Variants in CDH18 observed in about 807,000 individuals in gnomAD.
CDH18 encodes cadherin-18.
CDH18 carries 31 observed loss-of-function variants against 67.9 expected under a neutral mutation model. That is an observed-to-expected ratio of 0.46 (90% CI 0.34 to 0.62). The LOEUF is 0.62. Ranked by LOEUF, CDH18 falls within the 20% of genes least tolerant of loss-of-function variation. The probability of loss-of-function intolerance (pLI) is 0.01; values close to 1 mark genes in which losing one functional copy is unlikely to be tolerated. For synonymous variants in CDH18, 362 were observed against 347.2 expected, an observed-to-expected ratio of 1.04 and a Z score of -0.48; for missense variants, 890 against 975.5, an observed-to-expected ratio of 0.91 and a Z score of 1.17.
intron 1 of CDH18, among the ~76,000 whole-genome samples, chr5:20,502,561 G>A (rs916504798): frequency 1.5e-4 from 23 of 152,150 alleles, no homozygotes; most frequent in Non-Finnish European, 2.9e-4. Flanking sequence ...TGTAATAGAT[G>A]CTGTTTTTAT....
intron 10 of CDH18, among the ~76,000 whole-genome samples, chr5:19,507,281 A>G (rs1744354782): frequency 6.6e-6 from 1 of 152,178 alleles, no homozygotes; most frequent in South Asian, 2.1e-4. Flanking sequence ...ATGTGGAGAA[A>G]TAGGAACACT....
chr5:19,935,353 T>A (rs1367830796), intron 2 of CDH18, among the ~76,000 whole-genome samples: 1 of 151,364 alleles, frequency 6.6e-6, no homozygotes, highest in Non-Finnish European at 1.5e-5. Context: ...TGCCCTATAT[T>A]GAGGTTTCGG....
Position 20,234,870 on chromosome 5 carries a change from G to A in CDH18, c.-518+20574C>T, listed in dbSNP as rs181923320. ...CAAATTTGATGAAAATTATGAAACCGCAGATGATGAATCTTAACATATCCC... is the reference window on the plus strand; with the variant it reads ...CAAATTTGATGAAAATTATGAAACCACAGATGATGAATCTTAACATATCCC... On this transcript the variant is annotated intron_variant, in intron 2 of 14. Coordinates refer to the CDH18 transcript ENST00000507958. 3.3e-3 allele frequency among the ~76,000 whole-genome samples: 503 copies of A among 152,206 alleles called. 6 individuals are homozygous for A. Among genetic ancestry groups the A allele is most frequent in the Middle Eastern group, 3.4e-3 (1 of 294 alleles).
At chr5:20,247,518 GCA>G (rs992347138) in intron 2 of CDH18, among the ~76,000 whole-genome samples, 2 of 152,114 alleles carry the variant, frequency 1.3e-5, no homozygotes, top group Admixed American at 1.3e-4. Flanking sequence ...TGGAATCCCA[GCA>G]CTTTGGAGGG....
chr5:20,094,664 GA>G (rs1345668745), intron 2 of CDH18, among the ~76,000 whole-genome samples: 2 of 152,032 alleles, frequency 1.3e-5, no homozygotes, highest in Non-Finnish European at 2.9e-5. Context: ...AGCTCTCTTT[GA>G]AGAGGTCCTT....
intron 2 of CDH18, among the ~76,000 whole-genome samples, chr5:19,845,064 G>A (rs938117961): frequency 6.6e-6 from 1 of 152,026 alleles, no homozygotes; most frequent in African/African-American, 2.4e-5. Flanking sequence ...TTACCAAGAT[G>A]TTAATGAATA....
At chr5:19,931,093 C>G (rs1193001383) in intron 2 of CDH18, among the ~76,000 whole-genome samples, 2 of 151,924 alleles carry the variant, frequency 1.3e-5, no homozygotes, top group Admixed American at 6.6e-5. Flanking sequence ...AGTGAGCTCA[C>G]ATGAGGTATA....
At chr5:19,817,227 GTGT>G (rs1387670915) in intron 3 of CDH18, among the ~76,000 whole-genome samples, 2 of 151,796 alleles carry the variant, frequency 1.3e-5, no homozygotes, top group Non-Finnish European at 2.9e-5. Flanking sequence ...ACAACCCTAT[GTGT>G]TGTTATCTCT....
intron 2 of CDH18, among the ~76,000 whole-genome samples, chr5:19,906,173 C>G (rs1235833251): frequency 6.6e-6 from 1 of 151,824 alleles, no homozygotes; most frequent in Non-Finnish European, 1.5e-5. Flanking sequence ...AAAAAAGAAA[C>G]TTGACATGAA....
intron 8 of CDH18, among the ~76,000 whole-genome samples, chr5:19,553,116 A>G (rs980044320): frequency 6.6e-6 from 1 of 152,174 alleles, no homozygotes; most frequent in African/African-American, 2.4e-5. Flanking sequence ...CACAGAAACT[A>G]CTTTAAACAA....
intron 4 of CDH18, among the ~76,000 whole-genome samples, chr5:19,745,954 T>C (rs1163682835): frequency 1.3e-5 from 2 of 151,942 alleles, no homozygotes; most frequent in Non-Finnish European, 2.9e-5. Flanking sequence ...TATTTCAAAT[T>C]CACAGACTGA....
At chr5:20,312,529 G>T (rs923708534) in intron 1 of CDH18, among the ~76,000 whole-genome samples, 2 of 152,054 alleles carry the variant, frequency 1.3e-5, no homozygotes, top group Non-Finnish European at 2.9e-5. Context: ...TCCTACAGAC[G>T]CCATGCAGCA....
chr5:19,847,476 TG>T (rs1435123792), intron 2 of CDH18, among the ~76,000 whole-genome samples: 16 of 152,262 alleles, frequency 1.1e-4, no homozygotes. Flanking sequence ...TTAATCTCTT[TG>T]TTGATATTCT....
intron 10 of CDH18, among the ~76,000 whole-genome samples, chr5:19,518,058 A>AT (rs1410452128): frequency 1.3e-5 from 2 of 151,956 alleles, no homozygotes; most frequent in African/African-American, 4.8e-5. Context: ...GTATGCATCC[A>AT]TTTTTAATAG....
chr5:19,753,228 A>C (rs1016287698), intron 3 of CDH18, among the ~76,000 whole-genome samples: 1 of 152,160 alleles, frequency 6.6e-6, no homozygotes, highest in Non-Finnish European at 1.5e-5. Flanking sequence ...TATTAATCTA[A>C]TCATGGAGGC....
At position 19,517,209 on chromosome 5, in the gene CDH18, T is replaced by C. The variant is rs368265882; in HGVS notation, c.1512+3448A>G. On this transcript the variant is annotated intron_variant, in intron 10 of 12. Coordinates refer to ENST00000382275, the MANE Select transcript of CDH18 (RefSeq NM_004934.5). ...TTAATTTCTATTTACCTAATGTGAA[T>C]AGAAATAATTTTTAAAAAATATGTG... 1.4e-4 allele frequency among the ~76,000 whole-genome samples: 21 copies of C among 152,252 alleles called. No homozygotes were observed. In the East Asian group the frequency reaches 3.5e-3, roughly 25 times the overall value.
Position 19,723,106 on chromosome 5 carries a change from T to TA in CDH18, c.524-1641dup, listed in dbSNP as rs564793299. On this transcript the variant is annotated intron_variant, in intron 4 of 12. Transcript: ENST00000382275. ...TTTTTTTTGGTAACCCTGTCTCTAC[T>TA]AAAAATACAAAAATTAGCTGGGCAT... Among the ~76,000 whole-genome samples the TA allele has an allele frequency of 5.9e-5, 9 of 151,970 alleles. No individual in the cohort carries two copies. The South Asian group carries it at 1.9e-3, about 32-fold the overall frequency.
chr5:20,267,216 C>T (rs945636591), intron 1 of CDH18, among the ~76,000 whole-genome samples: 4 of 152,188 alleles, frequency 2.6e-5, no homozygotes, highest in African/African-American at 4.8e-5. Flanking sequence ...ATGTTCTTAT[C>T]ATCTTTGTCA....
chr5:19,643,366 G>A (rs534482803), intron 5 of CDH18, among the ~76,000 whole-genome samples: 1 of 152,060 alleles, frequency 6.6e-6, no homozygotes, highest in African/African-American at 2.4e-5. Context: ...AATATTTTGA[G>A]AAGATAACTA....
Sources: allele counts gnomAD v4.1 joint callset (sites outside exome capture counted in the v4.1 genomes callset), GRCh38; gene constraint gnomAD v4.1.1; transcripts MANE v1.5; gene names NCBI Gene and HGNC (gene_info 2026-07-23, HGNC 2026-07-21).